The following KCNIP4 variants were observed in gnomAD, a reference collection of about 807,000 sequenced individuals.
The protein encoded by KCNIP4 is Kv channel-interacting protein 4.
KCNIP4 carries 12 observed loss-of-function variants against 34.0 expected under a neutral mutation model. The observed-to-expected ratio is 0.35, with a 90% CI of 0.23 to 0.57. KCNIP4 has a LOEUF of 0.57. Ranked by LOEUF, KCNIP4 falls within the 20% of genes least tolerant of loss-of-function variation. The pLI is 0.83. For missense variants in KCNIP4, 238 were observed against 311.7 expected, an observed-to-expected ratio of 0.76 and a Z score of 1.78; for synonymous variants, 124 against 102.2, an observed-to-expected ratio of 1.21 and a Z score of -1.29.
At chr4:21,315,308 C>T (rs191641850) in intron 1 of KCNIP4, 25 of 155,728 alleles carry the variant, frequency 1.6e-4, no homozygotes, top group Middle Eastern at 3.2e-3. Flanking sequence ...AAGATGAAAG[C>T]CTTTATGATG....
At chr4:21,440,720 G>A (rs1458819301) in intron 1 of KCNIP4, among the ~76,000 whole-genome samples, 3 of 151,966 alleles carry the variant, frequency 2.0e-5, no homozygotes, top group African/African-American at 4.8e-5. Flanking sequence ...ATCTCTATTC[G>A]ACTTGAATAA....
chr4:20,980,273 C>T (rs1240134977), intron 1 of KCNIP4, among the ~76,000 whole-genome samples: 1 of 152,176 alleles, frequency 6.6e-6, no homozygotes, highest in African/African-American at 2.4e-5. Flanking sequence ...CAACAGGGTA[C>T]CCTGCACACG....
intron 1 of KCNIP4, among the ~76,000 whole-genome samples, chr4:20,917,128 C>T (rs984059949): frequency 1.3e-5 from 2 of 149,206 alleles, no homozygotes; most frequent in Non-Finnish European, 3.0e-5. Flanking sequence ...ACCTCTGACT[C>T]CCTGGTTCAA....
At chr4:21,618,560 G>GTCTCTC (rs34578063) in intron 1 of KCNIP4, among the ~76,000 whole-genome samples, 157 of 141,234 alleles carry the variant, frequency 1.1e-3, no homozygotes, top group Admixed American at 3.2e-3. Context: ...TCTTTTTCTG[G>GTCTCTC]TCTCTCTCTC....
At chr4:21,071,713 T>C (rs1744944132) in intron 1 of KCNIP4, among the ~76,000 whole-genome samples, 1 of 152,174 alleles carries the variant, frequency 6.6e-6, no homozygotes, top group Non-Finnish European at 1.5e-5. Flanking sequence ...TACATATGTA[T>C]ACATGTGCCA....
intron 1 of KCNIP4, among the ~76,000 whole-genome samples, chr4:21,049,540 G>A (rs972806900): frequency 1.3e-4 from 19 of 151,992 alleles, no homozygotes; most frequent in African/African-American, 3.6e-4. Flanking sequence ...CTATTTTTTC[G>A]TATCAATGTA....
intron 1 of KCNIP4, among the ~76,000 whole-genome samples, chr4:20,953,484 C>T (rs945459681): frequency 3.7e-4 from 56 of 152,136 alleles, no homozygotes; most frequent in African/African-American, 1.2e-3. Context: ...GAGTTTGAGA[C>T]TAGCCTGGGT....
chr4:21,437,928 G>T (rs914363554), intron 1 of KCNIP4, among the ~76,000 whole-genome samples: 5 of 140,904 alleles, frequency 3.5e-5, no homozygotes, highest in Non-Finnish European at 7.7e-5. Flanking sequence ...TGTGTGTTTG[G>T]TTACTGATCT....
At chr4:21,583,192 C>T (rs115381644) in intron 1 of KCNIP4, among the ~76,000 whole-genome samples, 1,576 of 151,992 alleles carry the variant, frequency 0.01, 31 homozygotes, top group African/African-American at 0.036. Context: ...GCATTATGAA[C>T]AATTTGTAAG....
chr4:21,032,774 G>C (rs1042681043), intron 1 of KCNIP4, among the ~76,000 whole-genome samples: 1 of 4,022 alleles, frequency 2.5e-4, no homozygotes, highest in Non-Finnish European at 4.1e-4. Flanking sequence ...TTGGGGAAAA[G>C]TGATACAGGC....
At chr4:20,766,038 G>A (rs1307722781) in intron 3 of KCNIP4, among the ~76,000 whole-genome samples, 1 of 152,138 alleles carries the variant, frequency 6.6e-6, no homozygotes, top group South Asian at 2.1e-4. Flanking sequence ...AATTATTAAT[G>A]TGATGATGAC....
chr4:21,689,278 T>C (rs554292053), intron 1 of KCNIP4, among the ~76,000 whole-genome samples: 1 of 152,222 alleles, frequency 6.6e-6, no homozygotes, highest in African/African-American at 2.4e-5. Flanking sequence ...GATTAGGTAT[T>C]TCAATTATTT....
chr4:21,861,214 C>T (rs1725054134), intron 1 of KCNIP4, among the ~76,000 whole-genome samples: 1 of 152,136 alleles, frequency 6.6e-6, no homozygotes, highest in African/African-American at 2.4e-5. Flanking sequence ...AGATGTTTTT[C>T]AAGTATAACC....
intron 1 of KCNIP4, among the ~76,000 whole-genome samples, chr4:21,399,245 G>A (rs1382091938): frequency 6.6e-6 from 1 of 152,172 alleles, no homozygotes; most frequent in Non-Finnish European, 1.5e-5. Flanking sequence ...TGTAGGTTCT[G>A]TTAGGGCATG....
At chr4:21,603,066 CA>C (rs1369730198) in intron 1 of KCNIP4, among the ~76,000 whole-genome samples, 1 of 152,126 alleles carries the variant, frequency 6.6e-6, no homozygotes, top group Non-Finnish European at 1.5e-5. Flanking sequence ...CAACTTTTAA[CA>C]ATACTTACAA....
At chr4:21,192,232 TG>T (rs1755702710) in intron 1 of KCNIP4, among the ~76,000 whole-genome samples, 1 of 152,218 alleles carries the variant, frequency 6.6e-6, no homozygotes, top group African/African-American at 2.4e-5. Flanking sequence ...AATTCTAGGA[TG>T]CCATCAATTT....
intron 1 of KCNIP4, among the ~76,000 whole-genome samples, chr4:21,082,527 A>G (rs1475923600): frequency 6.6e-6 from 1 of 151,804 alleles, no homozygotes; most frequent in Non-Finnish European, 1.5e-5. Flanking sequence ...GCTTTATTAC[A>G]GCAATATAAC....
At chr4:21,552,795 C>T (rs1361063800) in intron 1 of KCNIP4, among the ~76,000 whole-genome samples, 5 of 151,876 alleles carry the variant, frequency 3.3e-5, no homozygotes, top group Non-Finnish European at 5.9e-5. Context: ...TATTCCCAGA[C>T]CTCCTGGGGT....
At chr4:21,252,124 G>GTTTTTTTTTTTTTTTTT (rs200110404) in intron 1 of KCNIP4, among the ~76,000 whole-genome samples, 1 of 115,952 alleles carries the variant, frequency 8.6e-6, no homozygotes. Context: ...CATGAATGAG[G>GTTTTTTTTTTTTTTTTT]TTTTGTTTTT....
Sources: allele counts gnomAD v4.1 joint callset (sites outside exome capture counted in the v4.1 genomes callset), GRCh38; gene constraint gnomAD v4.1.1; transcripts MANE v1.5; gene names NCBI Gene and HGNC (gene_info 2026-07-23, HGNC 2026-07-21).